BCL2L13: variants seen among roughly 807,000 people sequenced by gnomAD.
The protein encoded by BCL2L13 is bcl-2-like protein 13.
BCL2L13 carries 13 observed loss-of-function variants against 25.8 expected under a neutral mutation model. The observed-to-expected ratio is 0.50, with a 90% CI of 0.33 to 0.80. BCL2L13 has a LOEUF of 0.80. Among genes scored for constraint, BCL2L13 ranks in the 30% least tolerant of loss-of-function variants. The probability of loss-of-function intolerance (pLI) is 0.02; values close to 1 mark genes in which losing one functional copy is unlikely to be tolerated. For synonymous variants in BCL2L13, 244 were observed against 230.3 expected (o/e 1.06, Z -0.54); for missense variants, 504 against 574.9 (o/e 0.88, Z 1.26).
intron 2 of BCL2L13, among the ~76,000 whole-genome samples, chr22:17,669,639 A>G (rs1251872474): frequency 6.6e-6 from 1 of 152,136 alleles, no homozygotes; most frequent in South Asian, 2.1e-4. Flanking sequence ...TTTGGGATCA[A>G]CTCTCAACAT....
intron 3 of BCL2L13, among the ~76,000 whole-genome samples, chr22:17,684,268 A>G (rs1047350246): frequency 6.6e-6 from 1 of 152,180 alleles, no homozygotes. Context: ...CCTGAGTTCA[A>G]AACCACACTG....
intron 2 of BCL2L13, among the ~76,000 whole-genome samples, chr22:17,669,096 G>A (rs139080491): frequency 0.011 from 1,551 of 144,976 alleles, 12 homozygotes; most frequent in Middle Eastern, 0.029. Flanking sequence ...GCAGTGGTGC[G>A]ATCTCAGCTC....
rs1285722734 is a variant in BCL2L13, at chr22:17,660,063, C to T, written c.121+4231C>T. ...TGGAGATGGGTTTTCACCATGTTGG[C>T]CAGGCTGGTCTCGAACTCTTGTTCT... On this transcript the variant is annotated intron_variant, in intron 2 of 6. Coordinates refer to ENST00000317582, the MANE Select transcript of BCL2L13 (RefSeq NM_015367.4). 2.7e-5 allele frequency among the ~76,000 whole-genome samples: 4 copies of T among 146,104 alleles called. 1 individual carries two copies. Among genetic ancestry groups the T allele is most frequent in the Non-Finnish European group, 6.2e-5 (4 of 64,324 alleles).
chr22:17,643,666 C>T (rs964878634), intron 1 of BCL2L13, among the ~76,000 whole-genome samples: 4 of 152,066 alleles, frequency 2.6e-5, no homozygotes, highest in East Asian at 1.9e-4. Context: ...CTCACTCTGT[C>T]GCCCAGACTG....
rs747843588 is a variant in BCL2L13 at position 17,682,699 on chromosome 22, TACTC to T, written c.122-510_122-507del. Among the ~76,000 whole-genome samples the T allele has an allele frequency of 7.9e-5, 12 of 152,328 alleles. No individual in the cohort carries two copies. In the East Asian group the frequency reaches 1.2e-3, roughly 15 times the overall value. ...AGAAACATCTGGAAAGGTGGAGACTTACTCACTCTCAATCCATAGGCCCAAATAT... is the reference window on the plus strand; with the variant it reads ...AGAAACATCTGGAAAGGTGGAGACTTACTCTCAATCCATAGGCCCAAATAT... On this transcript the variant is annotated intron_variant, in intron 2 of 6. Transcript: ENST00000317582.
intron 2 of BCL2L13, among the ~76,000 whole-genome samples, chr22:17,669,268 G>A (rs1414885630): frequency 1.3e-5 from 2 of 151,962 alleles, no homozygotes; most frequent in African/African-American, 4.8e-5. Flanking sequence ...TCCTGACCTC[G>A]TGATCTGCCC....
chr22:17,637,145 G>C (rs577727696), upstream of BCL2L13, among the ~76,000 whole-genome samples: 2 of 151,856 alleles, frequency 1.3e-5, no homozygotes, highest in Admixed American at 1.3e-4. Flanking sequence ...GGTGGCTCAC[G>C]TCTGTAATCC....
intron 6 of BCL2L13, among the ~76,000 whole-genome samples, chr22:17,721,057 C>A (rs1364473247): frequency 1.3e-5 from 2 of 151,830 alleles, no homozygotes; most frequent in Non-Finnish European, 2.9e-5. Context: ...GTCCCAGCTA[C>A]TCGGGGGGAG....
chr22:17,689,222 G>A (rs903496131), intron 4 of BCL2L13, 80 bp downstream of exon 4: 4 of 1,240,376 alleles, frequency 3.2e-6, no homozygotes, highest in Middle Eastern at 4.3e-4. Flanking sequence ...GGTTAGGGCT[G>A]TGTTTTAGGT....
rs761278496 is a variant in BCL2L13 at position 17,666,241 on chromosome 22, A to G, written c.121+10409A>G. Among the ~76,000 whole-genome samples the G allele has an allele frequency of 1.0e-3, 154 of 151,916 alleles. 1 individual carries two copies. The highest frequency in any genetic ancestry group is 1.5e-3 in the Non-Finnish European group (100 of 67,972). ...TTTTTAAATTTTTTGAGTACATAGTAGGTGTATATATATATTTATGGGGTA... is the reference window on the plus strand; with the variant it reads ...TTTTTAAATTTTTTGAGTACATAGTGGGTGTATATATATATTTATGGGGTA... On this transcript the variant is annotated intron_variant, in intron 2 of 6. Transcript: ENST00000317582.
At position 17,727,391 on chromosome 22, in the gene BCL2L13, G is replaced by A. The variant is rs1201525522; in HGVS notation, c.1315G>A (p.Gly439Ser). The A allele has an allele frequency of 6.2e-7, 1 of 1,614,170 alleles. No homozygotes were observed. The highest frequency in any genetic ancestry group is 8.5e-7 in the Non-Finnish European group (1 of 1,180,024). ...SEKKPVPPSEGKSRLSPAGEM... is the reference protein window; with the variant it reads ...SEKKPVPPSESKSRLSPAGEM... ...GAAGAAGCCCGTGCCGCCGTCTGAG[G>A]GCAAGTCTAGACTGTCCCCCGCCGG... The change falls in exon 7 of 7, where the codon GGC becomes AGC. Residue 439 changes from glycine (G) to serine (S), a missense_variant. By Grantham distance (56) the Gly-to-Ser change is moderately conservative. Transcript: ENST00000317582.
intron 2 of BCL2L13, among the ~76,000 whole-genome samples, chr22:17,657,823 C>CTTTTTTT (rs71201859): frequency 0.017 from 1,455 of 85,692 alleles, 143 homozygotes; most frequent in East Asian, 0.029. Context: ...GTTGACATTT[C>CTTTTTTT]TTTTTTTTTT....
Position 17,727,496 on chromosome 22 carries a change from G to T in BCL2L13, c.1420G>T (p.Val474Leu). The change falls in exon 7 of 7, where the codon GTG (valine) becomes TTG (leucine). Residue 474 changes from valine to leucine, a missense_variant. Coordinates refer to ENST00000317582, the MANE Select transcript of BCL2L13 (RefSeq NM_015367.4). ...GGAAAVAILA[V>L]AIGVALALRK... ...GGCTGCTGCTGTTGCCATCCTGGCA[G>T]TGGCCATCGGGGTAGCCCTGGCTCT... 1 of 1,614,280 alleles carries T rather than the reference G, an allele frequency of 6.2e-7. No homozygotes were observed. The highest frequency in any genetic ancestry group is 8.5e-7 in the Non-Finnish European group (1 of 1,180,060).
chr22:17,653,773 G>C (rs1431699861), intron 1 of BCL2L13, among the ~76,000 whole-genome samples: 1 of 151,814 alleles, frequency 6.6e-6, no homozygotes, highest in Non-Finnish European at 1.5e-5. Context: ...CAAAGTGTTG[G>C]AATTATAAGC....
intron 5 of BCL2L13, among the ~76,000 whole-genome samples, chr22:17,699,668 T>A (rs2060372871): frequency 6.6e-6 from 1 of 152,192 alleles, no homozygotes; most frequent in African/African-American, 2.4e-5. Flanking sequence ...TGCTGACTTT[T>A]TAGACCTAGA....
chr22:17,673,081 G>A (rs539352339), intron 2 of BCL2L13, among the ~76,000 whole-genome samples: 1 of 152,226 alleles, frequency 6.6e-6, no homozygotes, highest in East Asian at 1.9e-4. Flanking sequence ...ACTTGGGCTA[G>A]TCATTAAATT....
At chr22:17,722,218 G>T (rs2061158107) in intron 6 of BCL2L13, among the ~76,000 whole-genome samples, 1 of 151,724 alleles carries the variant, frequency 6.6e-6, no homozygotes, top group Non-Finnish European at 1.5e-5. Flanking sequence ...TATTTAATTG[G>T]TCTAATTGCC....
In BCL2L13 at chr22:17,727,622, T is replaced by A; in HGVS notation, c.*88T>A. On this transcript the variant is annotated 3_prime_UTR_variant, in exon 7 of 7. Transcript: ENST00000317582. ...AACCTCCAGCAGCTGTCTGGACATT[T>A]GTGGAACACTCTGGGATAATTGGGG... 6.5e-7 allele frequency: 1 copy of A among 1,539,348 alleles called. No individual in the cohort carries two copies. Among genetic ancestry groups the A allele is most frequent in the Non-Finnish European group, 8.8e-7 (1 of 1,139,210 alleles).
intron 4 of BCL2L13, among the ~76,000 whole-genome samples, chr22:17,691,859 G>A (rs988317875): frequency 9.5e-5 from 14 of 148,046 alleles, no homozygotes; most frequent in African/African-American, 3.4e-4. Context: ...TCTTCTCACA[G>A]CAAATTCTAT....
Sources: gnomAD v4.1 joint callset for allele counts (sites outside exome capture counted in the v4.1 genomes callset) on GRCh38, gnomAD v4.1.1 for gene constraint, MANE v1.5 for transcripts, NCBI Gene and HGNC (gene_info 2026-07-23, HGNC 2026-07-21) for gene names.